DMXL1: variants seen among roughly 807,000 people sequenced by gnomAD.
DMXL1 encodes dmX-like protein 1.
DMXL1 carries 99 observed loss-of-function variants against 319.2 expected under a neutral mutation model. The observed-to-expected ratio is 0.31, with a 90% confidence interval of 0.26 to 0.37. The LOEUF (loss-of-function observed/expected upper bound fraction) is 0.37, where lower values mean the gene tolerates loss of function less well. DMXL1 is among the 10% of genes least tolerant of loss of function. DMXL1 has a pLI of 1.00. For missense variants in DMXL1, 3,745 were observed against 3,595.6 expected (o/e 1.04, Z -1.06); for synonymous variants, 1,385 against 1,235.2 (o/e 1.12, Z -2.54).
intron 42 of DMXL1, among the ~76,000 whole-genome samples, chr5:119,243,166 A>C (rs550147343): frequency 1.3e-5 from 2 of 152,354 alleles, no homozygotes; most frequent in Middle Eastern, 6.8e-3. Context: ...ATCAAGGTAT[A>C]TACTTAAAAA....
At chr5:119,220,716 G>A in intron 36 of DMXL1, 123 bp downstream of exon 36, 3 of 1,287,140 alleles carry the variant, frequency 2.3e-6, no homozygotes, top group Non-Finnish European at 3.2e-6. Flanking sequence ...AGAAGCTGAT[G>A]TGCTAAATGA....
At chr5:119,229,680 A>G (rs1786298558) in intron 38 of DMXL1, among the ~76,000 whole-genome samples, 1 of 152,168 alleles carries the variant, frequency 6.6e-6, no homozygotes, top group South Asian at 2.1e-4. Flanking sequence ...CCTGACATAC[A>G]AAATTATTTA....
At chr5:119,130,935 A>G (rs1169007638) in intron 10 of DMXL1, among the ~76,000 whole-genome samples, 1 of 151,954 alleles carries the variant, frequency 6.6e-6, no homozygotes, top group African/African-American at 2.4e-5. Flanking sequence ...ACCAGTTTAT[A>G]CTTCCTCTAA....
rs1554139456 is a variant in DMXL1 at position 119,202,887 on chromosome 5, A to ATATATATATATATATATATATT, written c.7746-413_7746-412insATTTATATATATATATATATAT. On this transcript the variant is annotated intron_variant, in intron 32 of 43. Transcript: ENST00000539542. ...TACATATATATATATATATATTTTT[A>ATATATATATATATATATATATT]TATATATATATATATATATTTATAT... Among the ~76,000 whole-genome samples, 395 of 111,486 alleles carry ATATATATATATATATATATATT rather than the reference A, an allele frequency of 3.5e-3. 3 individuals carry two copies. The highest frequency in any genetic ancestry group is 0.013 in the African/African-American group (378 of 28,178). 73.1% of individuals were successfully genotyped at this position (111,486 alleles called of 152,430 possible).
chr5:119,130,102 A>G (rs57669340), intron 10 of DMXL1, among the ~76,000 whole-genome samples: 1 of 151,258 alleles, frequency 6.6e-6, no homozygotes, highest in South Asian at 2.1e-4. Context: ...TTTTTTTTTT[A>G]AAGTTTTGTT....
In DMXL1 at chr5:119,202,887, A is replaced by ATATT. The variant is rs1554139457; in HGVS notation, c.7746-429_7746-428insTTAT. 9.7e-4 allele frequency among the ~76,000 whole-genome samples: 108 copies of ATATT among 111,606 alleles called. 1 individual carries two copies. Among genetic ancestry groups the ATATT allele is most frequent in the African/African-American group, 3.7e-3 (104 of 28,294 alleles). The allele number at this position is 111,606 out of a possible 152,430, so 73.2% of individuals were successfully genotyped here. A position where few individuals can be genotyped will look rare whatever the true frequency, so the allele number is the denominator to read the frequency against. On this transcript the variant is annotated intron_variant, in intron 32 of 43. Transcript: ENST00000539542. The stretch of plus-strand genomic sequence containing the variant: ...TACATATATATATATATATATTTTT[A>ATATT]TATATATATATATATATATTTATAT...
Position 119,170,153 on chromosome 5 carries a change from T to C in DMXL1, c.5399-37T>C. On this transcript the variant is annotated intron_variant, in intron 23 of 43. Coordinates refer to ENST00000539542, the MANE Select transcript of DMXL1 (RefSeq NM_001290321.3). ...CACTACAATAGAAACACACAGTTCATAACTTTTCTTGGCTCATAAAATGAA... is the reference window on the plus strand; with the variant it reads ...CACTACAATAGAAACACACAGTTCACAACTTTTCTTGGCTCATAAAATGAA... 4 of 1,553,558 alleles carry C rather than the reference T, an allele frequency of 2.6e-6. No individual in the cohort carries two copies. The South Asian group carries it at 5.1e-5, about 20-fold the overall frequency.
chr5:119,090,544 GT>G (rs1260579352), intron 1 of DMXL1, among the ~76,000 whole-genome samples: 1 of 134,168 alleles, frequency 7.5e-6, no homozygotes, highest in Non-Finnish European at 1.6e-5. Flanking sequence ...TTTCTTTTTT[GT>G]TTTTTTCTCC....
chr5:119,247,293 C>A lies in DMXL1; in HGVS notation c.*74C>A. The A allele has an allele frequency of 1.0e-6, 1 of 992,544 alleles. No homozygotes were observed. The highest frequency in any genetic ancestry group is 1.5e-6 in the Non-Finnish European group (1 of 678,208). 61.5% of individuals were successfully genotyped at this position (992,544 alleles called of 1,614,324 possible). A position where few individuals can be genotyped will look rare whatever the true frequency, so the allele number is the denominator to read the frequency against. ...ACAGATATAATATACAGTGATCATT[C>A]TCTATGCCACAAATTAGCTAATGCT... On this transcript the variant is annotated 3_prime_UTR_variant, in exon 44 of 44. Transcript: ENST00000539542.
At chr5:119,167,190 G>A (rs1031415497) in intron 22 of DMXL1, among the ~76,000 whole-genome samples, 4 of 152,068 alleles carry the variant, frequency 2.6e-5, no homozygotes, top group African/African-American at 9.7e-5. Context: ...CAACATTTCT[G>A]TCTCAAATTG....
intron 23 of DMXL1, 147 bp from the exon 24 acceptor site, chr5:119,170,043 C>A: frequency 1.5e-6 from 1 of 655,042 alleles, no homozygotes. Context: ...GTTGTCTCTT[C>A]AGTGCCATGG....
At chr5:119,101,578 G>A (rs1757287792) in intron 2 of DMXL1, among the ~76,000 whole-genome samples, 1 of 152,170 alleles carries the variant, frequency 6.6e-6, no homozygotes, top group Non-Finnish European at 1.5e-5. Flanking sequence ...CAATTTAGAG[G>A]ATGGATGACG....
intron 17 of DMXL1, 112 bp downstream of exon 17, chr5:119,147,582 A>G: frequency 1.5e-6 from 1 of 689,418 alleles, no homozygotes; most frequent in East Asian, 2.7e-5. Flanking sequence ...TAGAAATGGA[A>G]ATAATATATT....
chr5:119,077,698 G>A (rs1751250154), intron 1 of DMXL1, among the ~76,000 whole-genome samples: 1 of 133,130 alleles, frequency 7.5e-6, no homozygotes, highest in African/African-American at 3.0e-5. Flanking sequence ...GTGTGTGTAT[G>A]TGTATATATA....
At chr5:119,124,919 T>G (rs1016076342) in intron 9 of DMXL1, among the ~76,000 whole-genome samples, 1 of 152,162 alleles carries the variant, frequency 6.6e-6, no homozygotes, top group Non-Finnish European at 1.5e-5. Context: ...TACCAAAATT[T>G]GTTATAAATT....
In DMXL1 at chr5:119,189,806, C is replaced by G. The variant is rs144357797; in HGVS notation, c.7234C>G (p.Pro2412Ala). Residue 2412 changes from proline to alanine, a missense_variant, in exon 29 of 44, where the codon CCA (proline) becomes GCA (alanine). By Grantham distance (27) the Pro-to-Ala change is conservative. Around this residue, in one of 4 missense-constraint regions of DMXL1, gnomAD observed 1,382 missense variants for 1,269.5 expected, o/e 1.09. Coordinates refer to ENST00000539542, the MANE Select transcript of DMXL1 (RefSeq NM_001290321.3). ...ESAPLTPSSAPVSQESLAVKE... is the reference protein window; with the variant it reads ...ESAPLTPSSAAVSQESLAVKE... ...TGCCCCACTGACCCCTTCCTCGGCA[C>G]CAGTAAGCCAGGAGTCACTGGCGGT... 2 of 1,614,120 alleles carry G rather than the reference C, an allele frequency of 1.2e-6. No individual in the cohort carries two copies. Among genetic ancestry groups the G allele is most frequent in the Non-Finnish European group, 1.7e-6 (2 of 1,180,000 alleles).
intron 6 of DMXL1, among the ~76,000 whole-genome samples, 189 bp downstream of exon 6, chr5:119,114,730 A>G (rs1207200881): frequency 1.3e-5 from 2 of 152,114 alleles, no homozygotes; most frequent in East Asian, 1.9e-4. Flanking sequence ...GTGCAGTGGC[A>G]CGATCTCGGC....
intron 9 of DMXL1, among the ~76,000 whole-genome samples, chr5:119,125,766 A>G (rs1763408182): frequency 6.6e-6 from 1 of 151,912 alleles, no homozygotes; most frequent in African/African-American, 2.4e-5. Flanking sequence ...GGGTTTCACC[A>G]TGTTAGCAAG....
Position 119,177,314 on chromosome 5 carries a change from T to C in DMXL1, c.6759-43T>C, listed in dbSNP as rs1380136446. 6 of 1,318,706 alleles carry C rather than the reference T, an allele frequency of 4.5e-6. No individual in the cohort carries two copies. In the East Asian group the frequency reaches 1.1e-4, roughly 23 times the overall value. 81.7% of individuals were successfully genotyped at this position (1,318,706 alleles called of 1,614,324 possible). The stretch of plus-strand genomic sequence containing the variant: ...GTAGATCTGAAACATGAAAATATTA[T>C]ATAAAATTTATCATAGATTTAAATA... On this transcript the variant is annotated intron_variant, in intron 26 of 43. Coordinates refer to ENST00000539542, the MANE Select transcript of DMXL1 (RefSeq NM_001290321.3).
Sources: allele counts gnomAD v4.1 joint callset (sites outside exome capture counted in the v4.1 genomes callset), GRCh38; gene constraint gnomAD v4.1.1; regional missense constraint gnomAD v4.1.1; transcripts MANE v1.5; gene names NCBI Gene and HGNC (gene_info 2026-07-23, HGNC 2026-07-21).